Variants in EHMT1 observed in about 807,000 individuals in gnomAD.
EHMT1 encodes euchromatic histone lysine methyltransferase 1, also known as histone-lysine N-methyltransferase EHMT1.
Under a neutral mutation model 147.2 loss-of-function variants are expected in EHMT1, and 15 were observed. The observed-to-expected ratio is 0.10, with a 90% CI of 0.07 to 0.16. The LOEUF (loss-of-function observed/expected upper bound fraction) is 0.16, where lower values mean the gene tolerates loss of function less well. Ranked by LOEUF, EHMT1 falls within the 10% of genes least tolerant of loss-of-function variation. The pLI, the probability that EHMT1 is intolerant of heterozygous loss-of-function variation, is 1.00. For missense variants in EHMT1, 1,587 were observed against 1,772.4 expected (o/e 0.90, Z 1.88); for synonymous variants, 795 against 709.6 (o/e 1.12, Z -1.91).
At position 137,775,882 on chromosome 9, in the gene EHMT1, GGT is replaced by G. The variant is rs10627906; in HGVS notation, c.1791+647_1791+648del. On this transcript the variant is annotated intron_variant, in intron 11 of 26. Transcript: ENST00000460843. The surrounding 1 kb of genome is among the most constrained non-coding windows in gnomAD (Gnocchi z 6.1). ...TGTGTGGGCATCCTCGTGCATGTAGGGTGTGTGTGTGTGTGTGTCTGTGCGCG... is the reference window on the plus strand; with the variant it reads ...TGTGTGGGCATCCTCGTGCATGTAGGGTGTGTGTGTGTGTGTCTGTGCGCG... 4.7e-5 allele frequency among the ~76,000 whole-genome samples: 7 copies of G among 149,970 alleles called. No individual in the cohort carries two copies. The highest frequency in any genetic ancestry group is 2.0e-4 in the Admixed American group (3 of 15,070).
intron 4 of EHMT1, among the ~76,000 whole-genome samples, chr9:137,730,481 G>A (rs974975980): frequency 9.2e-5 from 14 of 152,302 alleles, no homozygotes; most frequent in South Asian, 2.1e-4. Context: ...ATAGAGATGG[G>A]GGTCTCGCTA....
Position 137,777,850 on chromosome 9 carries a change from C to G in EHMT1, c.2019-32C>G, listed in dbSNP as rs749643025. On this transcript the variant is annotated intron_variant, in intron 12 of 26. Coordinates refer to ENST00000460843, the MANE Select transcript of EHMT1 (RefSeq NM_024757.5). ...CGGAACAGGCCATGTTTCGTGTTTT[C>G]ATAAACCTTTCCCCGATTTCCTCCC... 9 of 1,610,820 alleles carry G rather than the reference C, an allele frequency of 5.6e-6. No individual in the cohort carries two copies. The East Asian group carries it at 1.6e-4, about 28-fold the overall frequency.
rs190971052 is a variant in EHMT1 at position 137,673,301 on chromosome 9, C to T, written c.22-37666C>T. ...GGGGTTTGTGGTCCCTCACCATTCT[C>T]GACTGCTGCTTTTATATTTGTTGTA... On this transcript the variant is annotated intron_variant, in intron 1 of 26. Transcript: ENST00000460843. Among the ~76,000 whole-genome samples, 307 of 152,268 alleles carry T rather than the reference C, an allele frequency of 2.0e-3. 4 individuals are homozygous for T. Among genetic ancestry groups the T allele is most frequent in the Admixed American group, 0.018 (269 of 15,294 alleles).
At chr9:137,795,536 G>C (rs1952867342) in intron 16 of EHMT1, among the ~76,000 whole-genome samples, 1 of 152,188 alleles carries the variant, frequency 6.6e-6, no homozygotes, top group South Asian at 2.1e-4. Flanking sequence ...TGGGATGTGA[G>C]TGAAATTGAG....
chr9:137,722,516 A>T (rs529466701), intron 3 of EHMT1, among the ~76,000 whole-genome samples: 1 of 152,322 alleles, frequency 6.6e-6, no homozygotes, highest in African/African-American at 2.4e-5. Flanking sequence ...CTGCAGGAGA[A>T]GGAGGGGGTG....
chr9:137,672,015 G>A (rs1455058267), intron 1 of EHMT1, among the ~76,000 whole-genome samples: 3 of 152,206 alleles, frequency 2.0e-5, no homozygotes, highest in South Asian at 2.1e-4. Context: ...ACATGACAGT[G>A]CAGAGACCCC....
chr9:137,775,354 G>C lies in EHMT1; in HGVS notation c.1791+102G>C. The C allele has an allele frequency of 6.6e-7, 1 of 1,521,854 alleles. No homozygotes were observed. Among genetic ancestry groups the C allele is most frequent in the African/African-American group, 1.4e-5 (1 of 73,278 alleles). 94.3% of individuals were successfully genotyped at this position (1,521,854 alleles called of 1,614,324 possible). On this transcript the variant is annotated intron_variant, in intron 11 of 26. Transcript: ENST00000460843. The surrounding 1 kb of genome is among the most constrained non-coding windows in gnomAD (Gnocchi z 6.1). ...TGTCCACCTGCTGTCGGGTGGTCCA[G>C]CAGCTGGCCCAGGTCTGGTGTCCGT...
chr9:137,787,648 G>A lies in EHMT1; in HGVS notation c.2383-3200G>A, dbSNP rs936308862. 5.2e-6 allele frequency: 3 copies of A among 574,958 alleles called. No homozygotes were observed. Among genetic ancestry groups the A allele is most frequent in the Non-Finnish European group, 9.3e-6 (3 of 322,016 alleles). The allele number at this position is 574,958 out of a possible 1,614,324, so 35.6% of individuals were successfully genotyped here. On this transcript the variant is annotated intron_variant, in intron 15 of 26. Coordinates refer to ENST00000460843, the MANE Select transcript of EHMT1 (RefSeq NM_024757.5). The surrounding 1 kb of genome is among the most constrained non-coding windows in gnomAD (Gnocchi z 4.2). ...GGGGGTGGAAGCGGGAGGGAGGAGG[G>A]GCCTGTCTTAAGAGCCTCACAGGCT...
chr9:137,627,782 C>A (rs1195063064), intron 1 of EHMT1, among the ~76,000 whole-genome samples: 1 of 150,714 alleles, frequency 6.6e-6, no homozygotes, highest in Non-Finnish European at 1.5e-5. Context: ...CTCACTGCAA[C>A]CTCTGCCTCC....
At chr9:137,636,114 G>A (rs1270257771) in intron 1 of EHMT1, among the ~76,000 whole-genome samples, 23 of 151,850 alleles carry the variant, frequency 1.5e-4, no homozygotes, top group Admixed American at 1.5e-3. Flanking sequence ...TAGAGATGGG[G>A]TTTCACCATT....
intron 4 of EHMT1, among the ~76,000 whole-genome samples, chr9:137,737,822 A>G (rs9410130): frequency 1.1e-4 from 17 of 152,168 alleles, no homozygotes; most frequent in South Asian, 8.3e-4. Context: ...TGCAAATCCT[A>G]TGTCTGATGA....
At chr9:137,710,227 T>A (rs970039972) in intron 1 of EHMT1, among the ~76,000 whole-genome samples, 2 of 151,460 alleles carry the variant, frequency 1.3e-5, no homozygotes, top group African/African-American at 4.9e-5. Flanking sequence ...ATCCCAGCAC[T>A]TTGGGAGGCT....
intron 1 of EHMT1, among the ~76,000 whole-genome samples, chr9:137,655,831 C>T (rs964563273): frequency 2.0e-5 from 3 of 152,124 alleles, no homozygotes; most frequent in Non-Finnish European, 2.9e-5. Flanking sequence ...CCTGAGCTAC[C>T]CTCCTCACCT....
At chr9:137,809,122 C>T (rs1954195306) in intron 18 of EHMT1, among the ~76,000 whole-genome samples, 1 of 152,154 alleles carries the variant, frequency 6.6e-6, no homozygotes. Context: ...CCACTGAGGC[C>T]TACACACGGA....
rs1372856416 is a variant in EHMT1, at chr9:137,776,311, C to T, written c.1792-307C>T. Among the ~76,000 whole-genome samples the T allele has an allele frequency of 6.6e-6, 1 of 152,140 alleles. No individual in the cohort carries two copies. The highest frequency in any genetic ancestry group is 2.4e-5 in the African/African-American group (1 of 41,444). On this transcript the variant is annotated intron_variant, in intron 11 of 26. Coordinates refer to ENST00000460843, the MANE Select transcript of EHMT1 (RefSeq NM_024757.5). The surrounding 1 kb of genome is among the most constrained non-coding windows in gnomAD (Gnocchi z 4.4). ...CCCTATCCGCCCTTCAGAGTAGGGG[C>T]CTTCTGGGTCCTTCTTTAGGCCTTC...
chr9:137,764,755 T>G (rs888162902), intron 10 of EHMT1: 3 of 152,272 alleles, frequency 2.0e-5, no homozygotes, highest in African/African-American at 7.2e-5. Flanking sequence ...TTCCACTCAT[T>G]AAATCAATCT....
At chr9:137,680,175 T>C (rs1941803674) in intron 1 of EHMT1, among the ~76,000 whole-genome samples, 1 of 152,210 alleles carries the variant, frequency 6.6e-6, no homozygotes, top group African/African-American at 2.4e-5. Flanking sequence ...GCTTATGCTA[T>C]TAAAAGCATC....
intron 4 of EHMT1, among the ~76,000 whole-genome samples, chr9:137,730,488 G>C (rs1193731749): frequency 2.6e-5 from 4 of 151,862 alleles, no homozygotes. Context: ...TGGGGGTCTC[G>C]CTATGTTGCC....
At chr9:137,783,752 C>T (rs1005601796) in intron 15 of EHMT1, among the ~76,000 whole-genome samples, 4 of 152,188 alleles carry the variant, frequency 2.6e-5, no homozygotes, top group Admixed American at 2.0e-4. Context: ...AGCGACGGGG[C>T]GCACCGTCTG....
Sources: gnomAD v4.1 joint callset for allele counts (sites outside exome capture counted in the v4.1 genomes callset) on GRCh38, gnomAD v4.1.1 for gene constraint, Gnocchi (gnomAD v3.1) non-coding constraint, MANE v1.5 for transcripts, NCBI Gene and HGNC (gene_info 2026-07-23, HGNC 2026-07-21) for gene names.